Variants in SAMD5 observed in about 807,000 individuals in gnomAD.
SAMD5 encodes the protein sterile alpha motif domain-containing protein 5.
Under a neutral mutation model 11.3 loss-of-function variants are expected in SAMD5, and 13 were observed. That is an observed-to-expected ratio of 1.15 (90% CI 0.75 to 1.83). The LOEUF (loss-of-function observed/expected upper bound fraction) is 1.83, where lower values mean the gene tolerates loss of function less well. Among genes scored for constraint, SAMD5 ranks in the 40% most tolerant of loss-of-function variants. The probability of loss-of-function intolerance (pLI) is 0.00; values close to 1 mark genes in which losing one functional copy is unlikely to be tolerated. For synonymous variants in SAMD5, 129 were observed against 111.3 expected, an observed-to-expected ratio of 1.16 and a Z score of -1.00; for missense variants, 255 against 239.1, an observed-to-expected ratio of 1.07 and a Z score of -0.44.
In SAMD5 at chr6:147,564,943, A is replaced by C. The variant is rs1452094078; in HGVS notation, c.*487A>C. 2.2e-5 allele frequency: 18 copies of C among 819,644 alleles called. No homozygotes were observed. The highest frequency in any genetic ancestry group is 2.5e-5 in the Non-Finnish European group (17 of 680,014). 50.8% of individuals were successfully genotyped at this position (819,644 alleles called of 1,614,324 possible). On this transcript the variant is annotated 3_prime_UTR_variant, in exon 2 of 2. Transcript: ENST00000367474. ...ATTCTACTTCATTTCATATAGGACC[A>C]TGTTTTTATAAGATAAGATACATAA...
intron 1 of SAMD5, among the ~76,000 whole-genome samples, chr6:147,548,086 C>T (rs1380113855): frequency 6.6e-6 from 1 of 151,590 alleles, no homozygotes; most frequent in East Asian, 1.9e-4. Context: ...CATAAAATCT[C>T]ATTTAATAAG....
At chr6:147,650,701 G>C (rs899339016) in intron 1 of SAMD5, among the ~76,000 whole-genome samples, 1 of 152,146 alleles carries the variant, frequency 6.6e-6, no homozygotes, top group Non-Finnish European at 1.5e-5. Flanking sequence ...TCAAATTCAG[G>C]CACCAGTCTG....
chr6:147,700,555 G>C (rs1056275837), intron 1 of SAMD5, among the ~76,000 whole-genome samples: 6 of 151,446 alleles, frequency 4.0e-5, no homozygotes, highest in Admixed American at 1.3e-4. Context: ...GGTATAACAG[G>C]TCTGCATTTG....
chr6:147,528,938 T>A (rs1788386515), intron 1 of SAMD5, among the ~76,000 whole-genome samples: 3 of 152,210 alleles, frequency 2.0e-5, no homozygotes, highest in Non-Finnish European at 4.4e-5. Context: ...CCAATTCACA[T>A]GGTCCTGACT....
the SAMD5 span, among the ~76,000 whole-genome samples, chr6:147,817,914 A>G: frequency 6.6e-6 from 1 of 152,218 alleles, no homozygotes; most frequent in Non-Finnish European, 1.5e-5. Context: ...AGAGTTTCTA[A>G]GCTTGTGTCT....
the SAMD5 span, among the ~76,000 whole-genome samples, chr6:147,854,476 T>G: frequency 6.6e-6 from 1 of 152,120 alleles, no homozygotes; most frequent in Non-Finnish European, 1.5e-5. Context: ...GTGAGAACTT[T>G]GAAATTAGCA....
the SAMD5 span, among the ~76,000 whole-genome samples, chr6:147,904,179 T>C: frequency 6.6e-6 from 1 of 152,188 alleles, no homozygotes; most frequent in African/African-American, 2.4e-5. Context: ...CCTCTCTTCT[T>C]TAATAGCAGC....
chr6:147,652,260 G>T (rs1270233973), intron 1 of SAMD5, among the ~76,000 whole-genome samples: 4 of 142,740 alleles, frequency 2.8e-5, no homozygotes, highest in African/African-American at 9.8e-5. Context: ...TATTGCCTCT[G>T]GTTTAATAGC....
downstream of SAMD5, among the ~76,000 whole-genome samples, chr6:147,741,195 C>G (rs1791874788): frequency 1.3e-5 from 2 of 151,936 alleles, no homozygotes; most frequent in Non-Finnish European, 2.9e-5. Context: ...GTTTTCAAAC[C>G]AGGGGTTTGA....
intron 1 of SAMD5, among the ~76,000 whole-genome samples, chr6:147,603,500 G>C (rs888080048): frequency 1.3e-5 from 2 of 152,104 alleles, no homozygotes; most frequent in Admixed American, 6.5e-5. Context: ...ATTTGCTCTA[G>C]TTAGAAACTG....
chr6:147,739,764 G>T (rs1360605129), downstream of SAMD5, among the ~76,000 whole-genome samples: 1 of 151,922 alleles, frequency 6.6e-6, no homozygotes, highest in Non-Finnish European at 1.5e-5. Context: ...ACATTAATTA[G>T]ATACATTATT....
At chr6:147,659,733 A>C (rs1523963) in intron 1 of SAMD5, among the ~76,000 whole-genome samples, 13,554 of 152,264 alleles carry the variant, frequency 0.089, 899 homozygotes, top group East Asian at 0.26. Flanking sequence ...TCTTGGAAAT[A>C]TCTCTCTCTA....
intron 1 of SAMD5, among the ~76,000 whole-genome samples, chr6:147,638,041 C>T (rs1482363583): frequency 6.6e-6 from 1 of 152,004 alleles, no homozygotes; most frequent in Non-Finnish European, 1.5e-5. Context: ...AATTACACTT[C>T]GTAATGGTAA....
chr6:147,564,655 A>G lies in SAMD5; in HGVS notation c.*199A>G, dbSNP rs1789008185. ...GGCTTATAACAGCTAGAAATAAGGC[A>G]GTGAACTATCACGCATAAAGAAGTA... is the stretch of plus-strand genomic sequence containing the variant. On this transcript the variant is annotated 3_prime_UTR_variant, in exon 2 of 2. Coordinates refer to ENST00000367474, the MANE Select transcript of SAMD5 (RefSeq NM_001030060.3). 6.6e-6 allele frequency: 9 copies of G among 1,363,166 alleles called. No individual in the cohort carries two copies. Among genetic ancestry groups the G allele is most frequent in the Non-Finnish European group, 7.6e-6 (8 of 1,057,272 alleles). The allele number at this position is 1,363,166 out of a possible 1,614,324, so 84.4% of individuals were successfully genotyped here. A position where few individuals can be genotyped will look rare whatever the true frequency, so the allele number is the denominator to read the frequency against.
chr6:147,935,709 T>G, the SAMD5 span, among the ~76,000 whole-genome samples: 1 of 152,198 alleles, frequency 6.6e-6, no homozygotes, highest in Admixed American at 6.5e-5. Context: ...TGAACTGTGA[T>G]GTCAACTGCA....
intron 1 of SAMD5, among the ~76,000 whole-genome samples, chr6:147,530,560 C>G (rs1011160959): frequency 6.6e-6 from 1 of 152,248 alleles, no homozygotes; most frequent in Non-Finnish European, 1.5e-5. Flanking sequence ...CAAGTACCTG[C>G]CTCCTGAGCC....
the SAMD5 span, among the ~76,000 whole-genome samples, chr6:147,769,546 G>T: frequency 3.3e-5 from 5 of 152,252 alleles, no homozygotes; most frequent in Admixed American, 3.3e-4. Flanking sequence ...GGAAGAGAAA[G>T]CAAGATTAAT....
intron 1 of SAMD5, among the ~76,000 whole-genome samples, chr6:147,686,903 T>C (rs1283400831): frequency 6.6e-6 from 1 of 152,144 alleles, no homozygotes; most frequent in African/African-American, 2.4e-5. Flanking sequence ...ATTATTATAC[T>C]CTAAGTTCTG....
In SAMD5 at chr6:147,508,838, G is replaced by A; in HGVS notation, c.-91G>A. The A allele has an allele frequency of 6.7e-7, 1 of 1,502,164 alleles. No individual in the cohort carries two copies. The highest frequency in any genetic ancestry group is 2.7e-5 in the East Asian group (1 of 37,098). The allele number at this position is 1,502,164 out of a possible 1,614,324, so 93.1% of individuals were successfully genotyped here. A position where few individuals can be genotyped will look rare whatever the true frequency, so the allele number is the denominator to read the frequency against. On this transcript the variant is annotated 5_prime_UTR_variant, in exon 1 of 2. Transcript: ENST00000367474. The stretch of plus-strand genomic sequence containing the variant: ...TTTACTGCGATACCCTTTTCCCCTT[G>A]GAGGAGAGGATTAAAAGTTCCAAGA...
Sources: allele counts gnomAD v4.1 joint callset (sites outside exome capture counted in the v4.1 genomes callset), GRCh38; gene constraint gnomAD v4.1.1; transcripts MANE v1.5; gene names NCBI Gene and HGNC (gene_info 2026-07-23, HGNC 2026-07-21).